The following PDE1C variants were observed in gnomAD, a reference collection of about 807,000 sequenced individuals.
PDE1C encodes the protein dual specificity calcium/calmodulin-dependent 3',5'-cyclic nucleotide phosphodiesterase 1C.
In PDE1C, 62 loss-of-function variants were observed where a neutral mutation model predicts 93.1. The observed-to-expected ratio is 0.67, with a 90% confidence interval of 0.54 to 0.82. The LOEUF is 0.82. PDE1C is among the 40% of genes least tolerant of loss of function. The pLI, the probability that PDE1C is intolerant of heterozygous loss-of-function variation, is 0.00. For missense variants in PDE1C, 742 were observed against 884.6 expected, an observed-to-expected ratio of 0.84 and a Z score of 2.04; for synonymous variants, 325 against 310.1, an observed-to-expected ratio of 1.05 and a Z score of -0.50.
the PDE1C span, among the ~76,000 whole-genome samples, chr7:31,621,972 A>G: frequency 1.6e-4 from 23 of 147,250 alleles, no homozygotes; most frequent in African/African-American, 5.3e-4. Flanking sequence ...CTGATAAAAC[A>G]GACTTTAAAC....
At chr7:32,169,615 A>ACAGC (rs1802519598) in intron 3 of PDE1C, among the ~76,000 whole-genome samples, 1 of 152,012 alleles carries the variant, frequency 6.6e-6, no homozygotes, top group Non-Finnish European at 1.5e-5. Context: ...TTCAGGAAAT[A>ACAGC]CAGCCAGAAG....
chr7:32,246,842 C>T (rs1808997185), intron 1 of PDE1C, among the ~76,000 whole-genome samples: 2 of 152,184 alleles, frequency 1.3e-5, no homozygotes, highest in Non-Finnish European at 2.9e-5. Context: ...TATCACAATA[C>T]ATAGCATGTA....
chr7:32,129,139 A>G (rs949533452), intron 3 of PDE1C, among the ~76,000 whole-genome samples: 1 of 151,182 alleles, frequency 6.6e-6, no homozygotes, highest in Admixed American at 6.6e-5. Flanking sequence ...TACCTTGAAA[A>G]AACAGAATTG....
intron 1 of PDE1C, among the ~76,000 whole-genome samples, chr7:32,282,134 G>A (rs1246535726): frequency 1.3e-5 from 2 of 148,582 alleles, no homozygotes; most frequent in Non-Finnish European, 3.0e-5. Flanking sequence ...TTGTGCACAT[G>A]TACCCTAGAA....
At chr7:32,285,810 G>C (rs1443381627) in intron 1 of PDE1C, among the ~76,000 whole-genome samples, 1 of 144,148 alleles carries the variant, frequency 6.9e-6, no homozygotes, top group African/African-American at 2.6e-5. Context: ...GAGGAGAGGA[G>C]AGGAGAGAGA....
At chr7:31,743,074 TTG>T in the PDE1C span, among the ~76,000 whole-genome samples, 1 of 133,440 alleles carries the variant, frequency 7.5e-6, no homozygotes, top group Admixed American at 7.8e-5. Flanking sequence ...TATAGTTTTT[TTG>T]TTGTTGTTGT....
chr7:32,361,852 A>G (rs1035930390), intron 1 of PDE1C, among the ~76,000 whole-genome samples: 1 of 152,150 alleles, frequency 6.6e-6, no homozygotes, highest in Non-Finnish European at 1.5e-5. Flanking sequence ...AGAAATATTC[A>G]CTGGATAAAA....
intron 3 of PDE1C, among the ~76,000 whole-genome samples, chr7:32,119,468 T>C (rs1799168769): frequency 6.6e-6 from 1 of 151,980 alleles, no homozygotes. Flanking sequence ...ACACTGAAAG[T>C]TTCAGGTGGT....
chr7:32,126,459 G>A (rs918832253), intron 3 of PDE1C, among the ~76,000 whole-genome samples: 1 of 152,110 alleles, frequency 6.6e-6, no homozygotes, highest in Admixed American at 6.6e-5. Flanking sequence ...AGAGCACAAT[G>A]AAAGGTAACC....
chr7:31,882,792 T>G (rs73306545), intron 2 of PDE1C, among the ~76,000 whole-genome samples: 2,528 of 152,078 alleles, frequency 0.017, 62 homozygotes, highest in African/African-American at 0.058. Flanking sequence ...TGAGAAAAAT[T>G]ATAAGAGTAA....
chr7:31,839,254 A>C (rs1348733736), intron 9 of PDE1C, among the ~76,000 whole-genome samples: 1 of 149,842 alleles, frequency 6.7e-6, no homozygotes, highest in Non-Finnish European at 1.5e-5. Context: ...GTATATATAC[A>C]TACATATATA....
chr7:31,967,236 G>C (rs1163457740), intron 2 of PDE1C, among the ~76,000 whole-genome samples: 1 of 152,110 alleles, frequency 6.6e-6, no homozygotes, highest in Non-Finnish European at 1.5e-5. Context: ...GAAGAAAAGA[G>C]AGAAGAATCA....
At chr7:31,712,875 G>A in the PDE1C span, among the ~76,000 whole-genome samples, 1 of 152,016 alleles carries the variant, frequency 6.6e-6, no homozygotes, top group South Asian at 2.1e-4. Context: ...TCACTATCAC[G>A]AGAACAGCAA....
intron 2 of PDE1C, among the ~76,000 whole-genome samples, chr7:31,982,208 C>A (rs531434418): frequency 6.6e-6 from 1 of 152,192 alleles, no homozygotes; most frequent in Non-Finnish European, 1.5e-5. Flanking sequence ...GCCATCCAGT[C>A]GAGGTTCCCT....
At chr7:31,652,935 C>A in the PDE1C span, 1 of 1,513,322 alleles carries the variant, frequency 6.6e-7, no homozygotes, top group South Asian at 1.3e-5. Context: ...AACCCATTGT[C>A]AGCTATATCT....
chr7:31,913,039 G>A (rs188414587), intron 2 of PDE1C, among the ~76,000 whole-genome samples: 79 of 152,210 alleles, frequency 5.2e-4, no homozygotes, highest in African/African-American at 1.8e-3. Flanking sequence ...GTGATCAAGA[G>A]ACACTAGAGC....
intron 1 of PDE1C, among the ~76,000 whole-genome samples, chr7:32,268,639 C>A (rs995817877): frequency 6.6e-6 from 1 of 151,778 alleles, no homozygotes; most frequent in Non-Finnish European, 1.5e-5. Flanking sequence ...GGGAAAATTG[C>A]CTACGGTGAA....
intron 3 of PDE1C, among the ~76,000 whole-genome samples, chr7:32,087,093 C>G (rs1019300455): frequency 1.1e-4 from 17 of 152,070 alleles, no homozygotes; most frequent in African/African-American, 4.1e-4. Flanking sequence ...GAAAATTTTC[C>G]CAACCTACTC....
In PDE1C at chr7:32,048,578, A is replaced by G. The variant is rs143183715; in HGVS notation, c.128+2976T>C. Reference sequence around the variant, plus strand: ...ACCAAGACTCCTAACGTGAGCAAAGATACTATCTTGGAAGTGGAGTCTCCA... The same window carrying G: ...ACCAAGACTCCTAACGTGAGCAAAGGTACTATCTTGGAAGTGGAGTCTCCA... On this transcript the variant is annotated intron_variant, in intron 2 of 17. Coordinates refer to ENST00000396191, the MANE Select transcript of PDE1C (RefSeq NM_001191057.4). Among the ~76,000 whole-genome samples, 8 of 152,260 alleles carry G rather than the reference A, an allele frequency of 5.3e-5. No homozygotes were observed. The East Asian group carries it at 1.5e-3, about 29-fold the overall frequency.
Sources: gnomAD v4.1 joint callset for allele counts (sites outside exome capture counted in the v4.1 genomes callset) on GRCh38, gnomAD v4.1.1 for gene constraint, MANE v1.5 for transcripts, NCBI Gene and HGNC (gene_info 2026-07-23, HGNC 2026-07-21) for gene names.